The following GPC5 variants were observed in gnomAD, a reference collection of about 807,000 sequenced individuals.
The protein encoded by GPC5 is glypican-5.
Under a neutral mutation model 53.9 loss-of-function variants are expected in GPC5, and 47 were observed. That is an observed-to-expected ratio of 0.87 (90% CI 0.69 to 1.11). The LOEUF (loss-of-function observed/expected upper bound fraction) is 1.11, where lower values mean the gene tolerates loss of function less well. Ranked by LOEUF, GPC5 falls within the 50% of genes most tolerant of loss-of-function variation. GPC5 has a pLI of 0.00. For synonymous variants in GPC5, 286 were observed against 263.3 expected (o/e 1.09, Z -0.84); for missense variants, 748 against 713.1 (o/e 1.05, Z -0.56).
chr13:92,381,859 TTATATATATCA>T (rs2043743861), intron 7 of GPC5, among the ~76,000 whole-genome samples: 2 of 135,572 alleles, frequency 1.5e-5, no homozygotes, highest in South Asian at 4.4e-4. Flanking sequence ...TCATATATGA[TTATATATATCA>T]TATATATGAT....
At chr13:92,779,744 T>C (rs778622342) in intron 7 of GPC5, among the ~76,000 whole-genome samples, 32 of 152,278 alleles carry the variant, frequency 2.1e-4, no homozygotes, top group Non-Finnish European at 4.1e-4. Flanking sequence ...ATACAAGGTA[T>C]ACACATTCAA....
At chr13:92,313,113 T>C (rs757230720) in intron 7 of GPC5, among the ~76,000 whole-genome samples, 2 of 152,164 alleles carry the variant, frequency 1.3e-5, no homozygotes, top group East Asian at 1.9e-4. Context: ...GTCTGTCACC[T>C]CTCTCTCTCC....
At chr13:92,486,533 A>T (rs1020240133) in intron 7 of GPC5, among the ~76,000 whole-genome samples, 2 of 152,162 alleles carry the variant, frequency 1.3e-5, no homozygotes, top group Non-Finnish European at 2.9e-5. Context: ...TGACATAGGG[A>T]ACTGGAAAGT....
At chr13:92,298,500 C>A (rs888678104) in intron 7 of GPC5, among the ~76,000 whole-genome samples, 2 of 152,180 alleles carry the variant, frequency 1.3e-5, no homozygotes, top group East Asian at 1.9e-4. Flanking sequence ...GGGATTTTCC[C>A]GCTGCTTCCT....
At chr13:92,779,947 G>T (rs920399746) in intron 7 of GPC5, among the ~76,000 whole-genome samples, 2 of 152,090 alleles carry the variant, frequency 1.3e-5, no homozygotes, top group Non-Finnish European at 2.9e-5. Flanking sequence ...TTTTGCCAAA[G>T]ATTTTAAAAT....
intron 2 of GPC5, among the ~76,000 whole-genome samples, chr13:91,545,839 A>C (rs925810650): frequency 6.6e-6 from 1 of 152,190 alleles, no homozygotes; most frequent in Non-Finnish European, 1.5e-5. Flanking sequence ...AGAGTGCTGT[A>C]AAATAATATG....
chr13:91,549,253 G>C (rs1181234859), intron 2 of GPC5, among the ~76,000 whole-genome samples: 1 of 129,254 alleles, frequency 7.7e-6, no homozygotes, highest in Non-Finnish European at 1.6e-5. Flanking sequence ...TGGGCAACAA[G>C]AGCAAGATTC....
chr13:92,832,873 T>C (rs1231169786), intron 7 of GPC5, among the ~76,000 whole-genome samples: 4 of 152,084 alleles, frequency 2.6e-5, no homozygotes, highest in Non-Finnish European at 4.4e-5. Flanking sequence ...CTGGGCATGG[T>C]AGCAGGTGCC....
chr13:92,541,114 G>A (rs1344880568), intron 7 of GPC5, among the ~76,000 whole-genome samples: 1 of 151,762 alleles, frequency 6.6e-6, no homozygotes, highest in African/African-American at 2.4e-5. Flanking sequence ...GCATAGTATA[G>A]AGAAATACTG....
intron 7 of GPC5, among the ~76,000 whole-genome samples, chr13:92,654,999 G>A (rs1886080609): frequency 6.6e-6 from 1 of 152,150 alleles, no homozygotes; most frequent in African/African-American, 2.4e-5. Flanking sequence ...CTGGCATTAG[G>A]TTGCCACTGG....
At chr13:91,962,550 G>C (rs1407880641) in intron 6 of GPC5, among the ~76,000 whole-genome samples, 1 of 152,032 alleles carries the variant, frequency 6.6e-6, no homozygotes, top group African/African-American at 2.4e-5. Flanking sequence ...GAGGGTTGTT[G>C]CACAGTCTTA....
At chr13:91,602,796 T>C (rs1468639549) in intron 2 of GPC5, among the ~76,000 whole-genome samples, 1 of 152,232 alleles carries the variant, frequency 6.6e-6, no homozygotes, top group Non-Finnish European at 1.5e-5. Flanking sequence ...GTTCAAGAAA[T>C]CACCCTTTGT....
chr13:92,395,154 A>C (rs2139328851), intron 7 of GPC5, among the ~76,000 whole-genome samples: 1 of 152,294 alleles, frequency 6.6e-6, no homozygotes, highest in African/African-American at 2.4e-5. Context: ...AACATATTCA[A>C]AACTGTTCTG....
intron 7 of GPC5, among the ~76,000 whole-genome samples, chr13:92,207,804 C>A (rs979285596): frequency 2.6e-5 from 4 of 152,152 alleles, no homozygotes; most frequent in Non-Finnish European, 5.9e-5. Flanking sequence ...AATTGGTTGT[C>A]CAAGTTGGTG....
intron 7 of GPC5, among the ~76,000 whole-genome samples, chr13:92,199,475 A>G (rs2042279455): frequency 6.6e-6 from 1 of 152,126 alleles, no homozygotes; most frequent in Non-Finnish European, 1.5e-5. Flanking sequence ...ATAAAATTGA[A>G]TAATAAAAAA....
At chr13:91,537,875 A>G (rs1169901702) in intron 2 of GPC5, among the ~76,000 whole-genome samples, 1 of 152,238 alleles carries the variant, frequency 6.6e-6, no homozygotes, top group Non-Finnish European at 1.5e-5. Context: ...CAACTCGTAG[A>G]TACATACACA....
intron 3 of GPC5, among the ~76,000 whole-genome samples, chr13:91,698,815 T>C (rs2139845038): frequency 6.6e-6 from 1 of 152,350 alleles, no homozygotes; most frequent in African/African-American, 2.4e-5. Flanking sequence ...GTGGGAGTTT[T>C]TGAGTGATGA....
At chr13:91,907,239 T>C (rs2039562799) in intron 5 of GPC5, among the ~76,000 whole-genome samples, 1 of 149,112 alleles carries the variant, frequency 6.7e-6, no homozygotes, top group African/African-American at 2.4e-5. Flanking sequence ...AGTCCCTCTA[T>C]GCCTACAAAA....
chr13:91,780,082 G>T (rs2037774918), intron 5 of GPC5, among the ~76,000 whole-genome samples: 1 of 152,176 alleles, frequency 6.6e-6, no homozygotes, highest in Admixed American at 6.5e-5. Flanking sequence ...CACCAAACAT[G>T]TGAGTAACAT....
Sources: gnomAD v4.1 joint callset for allele counts (sites outside exome capture counted in the v4.1 genomes callset) on GRCh38, gnomAD v4.1.1 for gene constraint, MANE v1.5 for transcripts, NCBI Gene and HGNC (gene_info 2026-07-23, HGNC 2026-07-21) for gene names.